The following HEATR4 variants were observed in gnomAD, a reference collection of about 807,000 sequenced individuals.
HEATR4 encodes HEAT repeat-containing protein 4.
A neutral mutation model predicts 108.8 loss-of-function variants in HEATR4; 95 were observed. The ratio of observed to expected loss-of-function variants is 0.87; its 90% CI spans 0.74 to 1.04. The LOEUF (loss-of-function observed/expected upper bound fraction) is 1.04. Among genes scored for constraint, HEATR4 ranks in the 50% least tolerant of loss-of-function variants. HEATR4 has a pLI of 0.00. For missense variants in HEATR4, 1,152 were observed against 1,253.8 expected, an observed-to-expected ratio of 0.92 and a Z score of 1.23; for synonymous variants, 443 against 459.4, an observed-to-expected ratio of 0.96 and a Z score of 0.46.
At chr14:73,588,542 T>C in the HEATR4 span, among the ~76,000 whole-genome samples, 1 of 152,192 alleles carries the variant, frequency 6.6e-6, no homozygotes, top group Non-Finnish European at 1.5e-5. Context: ...TAAGCCAACT[T>C]CAACATTCGA....
At chr14:73,565,248 G>C in the HEATR4 span, among the ~76,000 whole-genome samples, 1 of 152,068 alleles carries the variant, frequency 6.6e-6, no homozygotes, top group Non-Finnish European at 1.5e-5. Flanking sequence ...GGTCATACCA[G>C]TTTATACATT....
In HEATR4 at chr14:73,524,293, C is replaced by CA. The variant is rs1160344592; in HGVS notation, c.-72-1070dup. ...GGGCAACAAGAGCAAAACTCCGTCT[C>CA]AAAAAAAAAAAAAAAAAATATATAT... is the stretch of plus-strand genomic sequence containing the variant. On this transcript the variant is annotated intron_variant, in intron 2 of 17. Transcript: ENST00000553558. Among the ~76,000 whole-genome samples, 197 of 56,624 alleles carry CA rather than the reference C, an allele frequency of 3.5e-3. 3 individuals are homozygous for CA. The highest frequency in any genetic ancestry group is 0.016 in the East Asian group (34 of 2,132). The allele number at this position is 56,624 out of a possible 152,430, so 37.1% of individuals were successfully genotyped here.
chr14:73,530,916 G>C (rs1179429475), intron 1 of HEATR4: 2 of 98,976 alleles, frequency 2.0e-5, no homozygotes, highest in Non-Finnish European at 4.3e-5. Context: ...TAGGAATACA[G>C]GCATGAGCCA....
chr14:73,509,811 C>CATAT lies in HEATR4; in HGVS notation c.1559-342_1559-339dup, dbSNP rs1566832128. On this transcript the variant is annotated intron_variant, in intron 7 of 17. Coordinates refer to ENST00000553558, the MANE Select transcript of HEATR4 (RefSeq NM_001220484.1). ...AAGCAACCAATTTGCCCCATGAGCC[C>CATAT]ATATATATATATATATATATATATA... Among the ~76,000 whole-genome samples the CATAT allele has an allele frequency of 2.3e-3, 45 of 19,494 alleles. 2 individuals carry two copies. Among genetic ancestry groups the CATAT allele is most frequent in the Non-Finnish European group, 3.9e-3 (43 of 11,122 alleles). 12.8% of individuals were successfully genotyped at this position (19,494 alleles called of 152,430 possible). A position where few individuals can be genotyped will look rare whatever the true frequency, so the allele number is the denominator to read the frequency against.
intron 5 of HEATR4, 65 bp from the exon 6 acceptor site, chr14:73,514,299 C>A: frequency 7.0e-7 from 1 of 1,429,310 alleles, no homozygotes; most frequent in Non-Finnish European, 9.7e-7. Context: ...CACAGTGGCC[C>A]CAGCTTGCAT....
At chr14:73,592,076 C>A in the HEATR4 span, 2 of 1,485,256 alleles carry the variant, frequency 1.3e-6, no homozygotes, top group Non-Finnish European at 1.8e-6. Flanking sequence ...CGTCCCTGCG[C>A]GACGAGAAGG....
At chr14:73,524,550 G>A (rs945374553) in intron 2 of HEATR4, among the ~76,000 whole-genome samples, 4 of 150,600 alleles carry the variant, frequency 2.7e-5, no homozygotes, top group Admixed American at 6.7e-5. Context: ...AGGATTTTAC[G>A]TAGGGAAGAT....
At chr14:73,573,100 C>T in the HEATR4 span, among the ~76,000 whole-genome samples, 1 of 151,576 alleles carries the variant, frequency 6.6e-6, no homozygotes, top group South Asian at 2.1e-4. Flanking sequence ...GGAATTTGTG[C>T]TCTTCTATGT....
At chr14:73,580,706 C>T in the HEATR4 span, 2 of 152,068 alleles carry the variant, frequency 1.3e-5, no homozygotes, top group African/African-American at 4.8e-5. Context: ...GATCCAGTCC[C>T]TGAAGCTGAA....
the HEATR4 span, among the ~76,000 whole-genome samples, chr14:73,609,537 AATG>A: frequency 0.015 from 2,249 of 152,268 alleles, 55 homozygotes; most frequent in African/African-American, 0.051. Flanking sequence ...TCATGAAAAA[AATG>A]ATAAGAAAAC....
At chr14:73,593,878 G>A in the HEATR4 span, 15 of 1,613,194 alleles carry the variant, frequency 9.3e-6, no homozygotes, top group Middle Eastern at 1.6e-4. Context: ...CGAAGAAGCC[G>A]TATGCTACAT....
chr14:73,490,988 C>T (rs1885674510), intron 17 of HEATR4: 1 of 1,334,384 alleles, frequency 7.5e-7, no homozygotes, highest in Admixed American at 3.6e-5. Context: ...CCCCGGCCGG[C>T]CGGGCGGGGA....
At chr14:73,487,133 G>C (rs1253493355) in intron 17 of HEATR4, among the ~76,000 whole-genome samples, 2 of 142,458 alleles carry the variant, frequency 1.4e-5, no homozygotes, top group African/African-American at 5.1e-5. Flanking sequence ...ATTAAAAAAA[G>C]AATGTCAATT....
rs377704624 is a variant in HEATR4 at position 73,496,644 on chromosome 14, C to G, written c.2582G>C (p.Gly861Ala). ...AAGCATTTCTTGGTTTCCTTCATTT[C>G]CTAAGTTGAGTATCTTCATTGTCTG... Reference protein sequence around the residue: ...MYQTMKILNLGNEGNQEMLQE... With the variant: ...MYQTMKILNLANEGNQEMLQE... The change falls in exon 15 of 18, where the codon GGA (glycine) becomes GCA (alanine). Residue 861 changes from glycine (G) to alanine (A), a missense_variant. Gly to Ala is a moderately conservative substitution (Grantham distance 60). Transcript: ENST00000553558. The G allele has an allele frequency of 1.9e-6, 3 of 1,600,224 alleles. No homozygotes were observed. The African/African-American group carries it at 4.0e-5, about 21-fold the overall frequency.
the HEATR4 span, among the ~76,000 whole-genome samples, chr14:73,599,656 C>A: frequency 1.3e-5 from 2 of 152,202 alleles, no homozygotes; most frequent in East Asian, 3.8e-4. Flanking sequence ...TTCTGCATGA[C>A]CTTTGTTCAG....
intron 1 of HEATR4, among the ~76,000 whole-genome samples, chr14:73,552,886 C>T (rs1326164453): frequency 1.8e-5 from 2 of 110,508 alleles, no homozygotes; most frequent in African/African-American, 6.2e-5. Flanking sequence ...TCTTGGGTGC[C>T]ACCCAGGCCT....
rs1270862234 is a variant in HEATR4 at position 73,556,151 on chromosome 14, C to T, written c.-152+2600G>A. ...TAGAAATTCTTAAGGAGGCTGGGTG[C>T]GGTGGCTCACGCCTGTAATCCCAAC... On this transcript the variant is annotated intron_variant, in intron 1 of 17. Coordinates refer to ENST00000553558, the MANE Select transcript of HEATR4 (RefSeq NM_001220484.1). 3.3e-4 allele frequency among the ~76,000 whole-genome samples: 35 copies of T among 107,182 alleles called. 10 individuals are homozygous for T. The highest frequency in any genetic ancestry group is 1.8e-3 in the South Asian group (6 of 3,290). 70.3% of individuals were successfully genotyped at this position (107,182 alleles called of 152,430 possible). A position where few individuals can be genotyped will look rare whatever the true frequency, so the allele number is the denominator to read the frequency against.
Position 73,512,079 on chromosome 14 carries a change from C to T in HEATR4, c.1485G>A (p.Arg495=), listed in dbSNP as rs752076811. The change falls in exon 7 of 18, where the codon CGG becomes CGA. Residue 495 remains arginine (R), a synonymous_variant. Coordinates refer to ENST00000553558, the MANE Select transcript of HEATR4 (RefSeq NM_001220484.1). The part of the protein sequence containing the change: ...QSLGDLHDDV[R]IKAITTCATA... The stretch of plus-strand genomic sequence containing the variant: ...TGGCACATGTGGTGATAGCTTTGAT[C>T]CGAACGTCATCATGCAGGTCTCCCA... 4.3e-6 allele frequency: 7 copies of T among 1,614,124 alleles called. No individual in the cohort carries two copies. The highest frequency in any genetic ancestry group is 1.1e-5 in the South Asian group (1 of 91,088).
chr14:73,495,279 C>A lies in HEATR4; in HGVS notation c.2734G>T (p.Gly912Ter), dbSNP rs750824973. The change falls in exon 16 of 18, where the codon GGA (glycine) becomes TGA (stop). Residue 912 changes from glycine to a stop codon, truncating the protein, a stop_gained. Transcript: ENST00000553558. LOFTEE classifies it high-confidence loss of function. ...TGGAGTGTTAGTGGTCCTTGTTCTC[C>A]TTTGGGTTTCAAGTAAACACGTTTT... is the stretch of plus-strand genomic sequence containing the variant. ...EAKRVYLKPK[G>*]EQGPLTLQTL... 6.2e-7 allele frequency: 1 copy of A among 1,614,050 alleles called. No individual in the cohort carries two copies.
Sources: gnomAD v4.1 joint callset for allele counts (sites outside exome capture counted in the v4.1 genomes callset) on GRCh38, gnomAD v4.1.1 for gene constraint, MANE v1.5 for transcripts, NCBI Gene and HGNC (gene_info 2026-07-23, HGNC 2026-07-21) for gene names.